SLC24A2: variants seen among roughly 807,000 people sequenced by gnomAD.
SLC24A2 encodes sodium/potassium/calcium exchanger 2.
SLC24A2 carries 36 observed loss-of-function variants against 62.0 expected under a neutral mutation model. That is an observed-to-expected ratio of 0.58 (90% confidence interval 0.44 to 0.77). SLC24A2 has a LOEUF of 0.77. Ranked by LOEUF, SLC24A2 falls within the 30% of genes least tolerant of loss-of-function variation. The pLI, the probability that SLC24A2 is intolerant of heterozygous loss-of-function variation, is 0.00. For synonymous variants in SLC24A2, 358 were observed against 294.0 expected, an observed-to-expected ratio of 1.22 and a Z score of -2.23; for missense variants, 846 against 817.9, an observed-to-expected ratio of 1.03 and a Z score of -0.42.
the SLC24A2 span, among the ~76,000 whole-genome samples, chr9:19,997,915 G>A: frequency 6.6e-6 from 1 of 152,134 alleles, no homozygotes. Context: ...AGAAGATTCA[G>A]CATTAATTTT....
At chr9:19,850,935 A>G in the SLC24A2 span, among the ~76,000 whole-genome samples, 2 of 57,536 alleles carry the variant, frequency 3.5e-5, no homozygotes, top group South Asian at 5.3e-4. Flanking sequence ...ATGTGGGCAT[A>G]TATATATATA....
intron 2 of SLC24A2, among the ~76,000 whole-genome samples, chr9:19,681,634 T>C (rs1271034132): frequency 2.0e-5 from 3 of 152,132 alleles, no homozygotes; most frequent in African/African-American, 7.2e-5. Context: ...CTCCATCTTC[T>C]TTGCCCCTGG....
the SLC24A2 span, among the ~76,000 whole-genome samples, chr9:19,934,448 G>A: frequency 4.1e-3 from 615 of 151,544 alleles, 5 homozygotes; most frequent in Non-Finnish European, 6.3e-3. The surrounding 1 kb of genome is among the most constrained non-coding windows in gnomAD (Gnocchi z 4.1). Context: ...CCGGGCTCCC[G>A]CGCACCACAA....
At chr9:20,103,169 T>G in the SLC24A2 span, among the ~76,000 whole-genome samples, 2 of 152,148 alleles carry the variant, frequency 1.3e-5, no homozygotes, top group African/African-American at 4.8e-5. Context: ...TTGCCCAGGC[T>G]TGCTTAGGTA....
At chr9:19,963,471 T>C in the SLC24A2 span, among the ~76,000 whole-genome samples, 1 of 150,788 alleles carries the variant, frequency 6.6e-6, no homozygotes, top group African/African-American at 2.4e-5. Flanking sequence ...CCTACTCATC[T>C]GACAAAGGGC....
intron 2 of SLC24A2, among the ~76,000 whole-genome samples, chr9:19,749,155 A>C (rs1469331393): frequency 1.3e-5 from 2 of 150,850 alleles, no homozygotes; most frequent in African/African-American, 4.9e-5. Context: ...TAGGTGAGAA[A>C]GGTTAAAATA....
rs769414250 is a variant in SLC24A2, at chr9:19,599,478, CCAAA to C, written c.1079-2203_1079-2200del. On this transcript the variant is annotated intron_variant, in intron 4 of 10. Transcript: ENST00000341998. The surrounding 1 kb of genome is among the most constrained non-coding windows in gnomAD (Gnocchi z 4.5). Reference sequence around the variant, plus strand: ...AGCAGTGGAAGGGAATGGTATCTGCCCAAACAAAGAGAACCATGTTTACAGTTTA... The same window carrying C: ...AGCAGTGGAAGGGAATGGTATCTGCCCAAAGAGAACCATGTTTACAGTTTA... Among the ~76,000 whole-genome samples, 5 of 152,082 alleles carry C rather than the reference CCAAA, an allele frequency of 3.3e-5. No homozygotes were observed. Among genetic ancestry groups the C allele is most frequent in the Non-Finnish European group, 7.4e-5 (5 of 68,026 alleles).
the SLC24A2 span, among the ~76,000 whole-genome samples, chr9:20,106,557 T>C: frequency 1.3e-5 from 2 of 152,262 alleles, no homozygotes; most frequent in East Asian, 3.9e-4. Context: ...TGCAAATCAA[T>C]AAATGTAATC....
At chr9:20,206,310 G>A in the SLC24A2 span, among the ~76,000 whole-genome samples, 1 of 152,144 alleles carries the variant, frequency 6.6e-6, no homozygotes, top group African/African-American at 2.4e-5. Context: ...GCATATTACA[G>A]GAGAGTGAAT....
At chr9:19,586,396 G>A (rs1836372341) in intron 5 of SLC24A2, among the ~76,000 whole-genome samples, 1 of 152,154 alleles carries the variant, frequency 6.6e-6, no homozygotes, top group Non-Finnish European at 1.5e-5. Context: ...GTGGGTGTGA[G>A]AAAGTGCTCA....
At chr9:19,907,581 T>C in the SLC24A2 span, among the ~76,000 whole-genome samples, 2 of 152,158 alleles carry the variant, frequency 1.3e-5, no homozygotes, top group Admixed American at 1.3e-4. Flanking sequence ...GAAAACCCCA[T>C]CGTCTCAGCC....
chr9:20,266,549 T>C, the SLC24A2 span, among the ~76,000 whole-genome samples: 1 of 152,182 alleles, frequency 6.6e-6, no homozygotes, highest in Admixed American at 6.5e-5. Flanking sequence ...TAATTTTTTT[T>C]TTTGGCACAT....
chr9:20,059,505 T>G, the SLC24A2 span, among the ~76,000 whole-genome samples: 26 of 152,228 alleles, frequency 1.7e-4, no homozygotes, highest in African/African-American at 5.8e-4. Flanking sequence ...TAAGGAAAAC[T>G]GGAAAATCCA....
intron 2 of SLC24A2, among the ~76,000 whole-genome samples, chr9:19,684,986 T>C (rs1819837643): frequency 6.6e-6 from 1 of 152,080 alleles, no homozygotes; most frequent in Non-Finnish European, 1.5e-5. Context: ...ATCTGATAAA[T>C]AACTCCAGCA....
the SLC24A2 span, among the ~76,000 whole-genome samples, chr9:19,945,959 G>A: frequency 6.6e-6 from 1 of 152,100 alleles, no homozygotes; most frequent in Non-Finnish European, 1.5e-5. Context: ...CTGTGGTCTG[G>A]GAATCATCTC....
chr9:20,028,055 G>A, the SLC24A2 span, among the ~76,000 whole-genome samples: 2 of 152,238 alleles, frequency 1.3e-5, no homozygotes, highest in Admixed American at 1.3e-4. Context: ...AGCTGTGCAG[G>A]GGAGACCCCT....
chr9:19,537,134 T>G (rs1230942902), intron 8 of SLC24A2, among the ~76,000 whole-genome samples: 2 of 151,244 alleles, frequency 1.3e-5, no homozygotes, highest in East Asian at 3.9e-4. Flanking sequence ...TGCGAAAATT[T>G]TCTCCCATGT....
the SLC24A2 span, among the ~76,000 whole-genome samples, chr9:20,058,619 A>C: frequency 6.6e-6 from 1 of 152,194 alleles, no homozygotes; most frequent in East Asian, 1.9e-4. Flanking sequence ...AAATACAACA[A>C]ATATATCAAA....
chr9:19,769,625 CT>C (rs2118886991), intron 2 of SLC24A2, among the ~76,000 whole-genome samples: 1 of 152,212 alleles, frequency 6.6e-6, no homozygotes, highest in East Asian at 1.9e-4. Flanking sequence ...TCTTCCGATG[CT>C]TACTGCCACT....
Sources: gnomAD v4.1 joint callset for allele counts (sites outside exome capture counted in the v4.1 genomes callset) on GRCh38, gnomAD v4.1.1 for gene constraint, Gnocchi (gnomAD v3.1) non-coding constraint, MANE v1.5 for transcripts, NCBI Gene and HGNC (gene_info 2026-07-23, HGNC 2026-07-21) for gene names.